The following FOXK2 variants were observed in gnomAD, a reference collection of about 807,000 sequenced individuals.
FOXK2 encodes the protein forkhead box K2.
A neutral mutation model predicts 53.3 loss-of-function variants in FOXK2; 24 were observed. That is an observed-to-expected ratio of 0.45 (90% confidence interval 0.33 to 0.63). FOXK2 has a LOEUF of 0.63. FOXK2 is among the 30% of genes least tolerant of loss of function. The probability of loss-of-function intolerance (pLI) is 0.03; values close to 1 mark genes in which losing one functional copy is unlikely to be tolerated. For synonymous variants in FOXK2, 505 were observed against 407.1 expected, an observed-to-expected ratio of 1.24 and a Z score of -2.89; for missense variants, 952 against 910.5, an observed-to-expected ratio of 1.05 and a Z score of -0.59.
chr17:82,521,273 A>G (rs1009695064), intron 1 of FOXK2, among the ~76,000 whole-genome samples: 1 of 152,150 alleles, frequency 6.6e-6, no homozygotes, highest in East Asian at 1.9e-4. Flanking sequence ...TTTGAGTTCA[A>G]GTGGTTCTCC....
At chr17:82,528,452 GT>G (rs2044440359) in intron 1 of FOXK2, among the ~76,000 whole-genome samples, 1 of 152,064 alleles carries the variant, frequency 6.6e-6, no homozygotes, top group African/African-American at 2.4e-5. Context: ...TTTATGTTTG[GT>G]TTTTGGAGCA....
chr17:82,530,467 G>A lies in FOXK2; in HGVS notation c.419+10160G>A, dbSNP rs111862092. On this transcript the variant is annotated intron_variant, in intron 1 of 8. Transcript: ENST00000335255. ...ATCTAAAAAAAAAAAAAAAAAAAAAGAGAGAGAAAACCCGAAATAAGGAAA... is the reference window on the plus strand; with the variant it reads ...ATCTAAAAAAAAAAAAAAAAAAAAAAAGAGAGAAAACCCGAAATAAGGAAA... Among the ~76,000 whole-genome samples the A allele has an allele frequency of 4.1e-3, 433 of 104,572 alleles. 9 individuals are homozygous for A. The highest frequency in any genetic ancestry group is 8.1e-3 in the East Asian group (27 of 3,322). 68.6% of individuals were successfully genotyped at this position (104,572 alleles called of 152,430 possible).
intron 1 of FOXK2, among the ~76,000 whole-genome samples, chr17:82,557,322 G>A (rs1292515944): frequency 2.0e-5 from 3 of 150,754 alleles, no homozygotes; most frequent in East Asian, 3.9e-4. Context: ...GTGAGCCACC[G>A]TGCCTGGCCT....
intron 1 of FOXK2, among the ~76,000 whole-genome samples, chr17:82,523,133 A>C (rs61737553): frequency 0.034 from 5,167 of 152,264 alleles, 297 homozygotes; most frequent in African/African-American, 0.12. Flanking sequence ...GTCTTGCAGT[A>C]GAGATGAGTA....
At chr17:82,544,227 A>G (rs1012143842) in intron 1 of FOXK2, among the ~76,000 whole-genome samples, 3 of 152,212 alleles carry the variant, frequency 2.0e-5, no homozygotes, top group Non-Finnish European at 2.9e-5. Context: ...TTTTACTTTG[A>G]AAATTCTTTG....
In FOXK2 at chr17:82,604,021, G is replaced by A. The variant is rs1044737221; in HGVS notation, c.*2522G>A. 1 of 152,186 alleles carries A rather than the reference G, an allele frequency of 6.6e-6. No homozygotes were observed. The highest frequency in any genetic ancestry group is 1.5e-5 in the Non-Finnish European group (1 of 68,046). The allele number at this position is 152,186 out of a possible 1,614,324, so 9.4% of individuals were successfully genotyped here. A position where few individuals can be genotyped will look rare whatever the true frequency, so the allele number is the denominator to read the frequency against. Reference sequence around the variant, plus strand: ...CAGCAAGGGTTGCTGAGCTGCTGTCGCCGCAGCCCTGGCCCCTGGTGCTGG... The same window carrying A: ...CAGCAAGGGTTGCTGAGCTGCTGTCACCGCAGCCCTGGCCCCTGGTGCTGG... On this transcript the variant is annotated 3_prime_UTR_variant, in exon 9 of 9. Coordinates refer to ENST00000335255, the MANE Select transcript of FOXK2 (RefSeq NM_004514.4).
At chr17:82,539,728 GC>G (rs1477065546) in intron 1 of FOXK2, among the ~76,000 whole-genome samples, 1 of 152,102 alleles carries the variant, frequency 6.6e-6, no homozygotes, top group Non-Finnish European at 1.5e-5. Flanking sequence ...ACTTTGGGAG[GC>G]TGAGGTGACT....
At chr17:82,555,950 A>C (rs1338241214) in intron 1 of FOXK2, among the ~76,000 whole-genome samples, 1 of 151,328 alleles carries the variant, frequency 6.6e-6, no homozygotes, top group Admixed American at 6.6e-5. Flanking sequence ...AAGCATAGAA[A>C]ATGGCACAGT....
At position 82,586,508 on chromosome 17, in the gene FOXK2, AAAGGAGGAGAGGGGAGACCACAGGGAG is replaced by A; in HGVS notation, c.1576+309_1576+335del. ...GGAGGTCAAAGGTGGGCCGGGGGGG[AAAGGAGGAGAGGGGAGACCACAGGGAG>A]GTCAAAGGTAGGCGGAGGGGAAAGG... On this transcript the variant is annotated intron_variant, in intron 7 of 8. Coordinates refer to ENST00000335255, the MANE Select transcript of FOXK2 (RefSeq NM_004514.4). Among the ~76,000 whole-genome samples the A allele has an allele frequency of 3.2e-5, 4 of 125,842 alleles. 1 individual carries two copies. The highest frequency in any genetic ancestry group is 1.5e-4 in the Admixed American group (2 of 13,042). The allele number at this position is 125,842 out of a possible 152,430, so 82.6% of individuals were successfully genotyped here.
chr17:82,590,248 G>A (rs138485190), intron 8 of FOXK2, among the ~76,000 whole-genome samples: 2 of 152,240 alleles, frequency 1.3e-5, no homozygotes, highest in East Asian at 1.9e-4. Context: ...AAACAGTGTC[G>A]GCTACAGCCT....
intron 1 of FOXK2, among the ~76,000 whole-genome samples, chr17:82,524,519 C>T (rs2044398379): frequency 6.6e-6 from 1 of 152,120 alleles, no homozygotes; most frequent in Non-Finnish European, 1.5e-5. Context: ...AGATGTGGAT[C>T]CAAGTACTGT....
intron 1 of FOXK2, among the ~76,000 whole-genome samples, chr17:82,554,738 G>GTTT (rs78786521): frequency 9.6e-5 from 14 of 145,102 alleles, no homozygotes; most frequent in Non-Finnish European, 1.1e-4. Flanking sequence ...ATCCAGTGAG[G>GTTT]TTTTTTTTTT....
At chr17:82,540,776 C>A (rs929821738) in intron 1 of FOXK2, among the ~76,000 whole-genome samples, 5 of 152,190 alleles carry the variant, frequency 3.3e-5, no homozygotes, top group Non-Finnish European at 7.3e-5. Context: ...CTTGAATTCT[C>A]TAATTGTTTT....
At chr17:82,536,141 G>T (rs2044518513) in intron 1 of FOXK2, among the ~76,000 whole-genome samples, 1 of 152,118 alleles carries the variant, frequency 6.6e-6, no homozygotes, top group South Asian at 2.1e-4. Flanking sequence ...GCCTCCCCAA[G>T]TGCTGGGATT....
intron 7 of FOXK2, among the ~76,000 whole-genome samples, chr17:82,586,747 C>G (rs549714390): frequency 2.0e-5 from 3 of 152,100 alleles, no homozygotes; most frequent in African/African-American, 7.2e-5. Flanking sequence ...ACTAAAAATA[C>G]AAAATCAGCT....
At chr17:82,595,069 C>T (rs1354648228) in intron 8 of FOXK2, among the ~76,000 whole-genome samples, 1 of 152,190 alleles carries the variant, frequency 6.6e-6, no homozygotes, top group East Asian at 1.9e-4. Context: ...AATAGAAACG[C>T]AAGCCGGCAT....
chr17:82,545,271 G>A (rs903923065), intron 1 of FOXK2, among the ~76,000 whole-genome samples: 1 of 152,138 alleles, frequency 6.6e-6, no homozygotes, highest in Non-Finnish European at 1.5e-5. Context: ...TCCTCAGCTC[G>A]GAATTCCTAT....
At chr17:82,583,278 C>G (rs2045086815) in intron 5 of FOXK2, among the ~76,000 whole-genome samples, 1 of 152,260 alleles carries the variant, frequency 6.6e-6, no homozygotes, top group Admixed American at 6.5e-5. Context: ...GGCGCTGTGG[C>G]TCACGCCTGT....
chr17:82,551,233 C>T (rs138836510), intron 1 of FOXK2, among the ~76,000 whole-genome samples: 10,132 of 151,870 alleles, frequency 0.067, 445 homozygotes, highest in African/African-American at 0.12. Flanking sequence ...AGGAGAATGG[C>T]GTGAACCTGG....
Sources: gnomAD v4.1 joint callset for allele counts (sites outside exome capture counted in the v4.1 genomes callset) on GRCh38, gnomAD v4.1.1 for gene constraint, MANE v1.5 for transcripts, NCBI Gene and HGNC (gene_info 2026-07-23, HGNC 2026-07-21) for gene names.